Variants in FAM200B observed in about 807,000 individuals in gnomAD.
The protein encoded by FAM200B is protein FAM200B.
In FAM200B, 32 loss-of-function variants were observed where a neutral mutation model predicts 33.1. The ratio of observed to expected loss-of-function variants is 0.97; its 90% CI spans 0.73 to 1.30. FAM200B has a LOEUF of 1.30. Ranked by LOEUF, FAM200B falls within the 50% of genes most tolerant of loss-of-function variation. FAM200B has a pLI of 0.00. For synonymous variants in FAM200B, 240 were observed against 264.8 expected, an observed-to-expected ratio of 0.91 and a Z score of 0.91; for missense variants, 741 against 754.0, an observed-to-expected ratio of 0.98 and a Z score of 0.20.
At chr4:15,665,184 G>T in the FAM200B span, among the ~76,000 whole-genome samples, 5 of 152,166 alleles carry the variant, frequency 3.3e-5, no homozygotes, top group African/African-American at 1.2e-4. Flanking sequence ...ATGTAGGAAA[G>T]AATGCCTTTC....
chr4:15,684,745 C>T (rs1007751961), intron 1 of FAM200B: 1 of 152,204 alleles, frequency 6.6e-6, no homozygotes, highest in Non-Finnish European at 1.5e-5. Context: ...TGACCACCCA[C>T]TGTGCTGGGA....
the FAM200B span, among the ~76,000 whole-genome samples, chr4:15,647,222 CAAAAAAAAAAA>C: frequency 4.4e-4 from 16 of 36,530 alleles, no homozygotes; most frequent in Admixed American, 2.8e-3. Context: ...GACTCCATCT[CAAAAAAAAAAA>C]AAAAAAAAAA....
At chr4:15,640,802 T>G in the FAM200B span, 1 of 1,546,208 alleles carries the variant, frequency 6.5e-7, no homozygotes, top group Non-Finnish European at 8.7e-7. Flanking sequence ...TCTTCCTCTT[T>G]CATGTGAGGA....
upstream of FAM200B, among the ~76,000 whole-genome samples, chr4:15,676,881 C>G (rs1441222699): frequency 1.3e-5 from 2 of 151,964 alleles, no homozygotes; most frequent in African/African-American, 2.4e-5. Flanking sequence ...ATGAAATTCT[C>G]AAAGCTAAGA....
chr4:15,687,787 A>C lies in FAM200B; in HGVS notation c.810A>C (p.Leu270Phe). 6 of 1,550,702 alleles carry C rather than the reference A, an allele frequency of 3.9e-6. No individual in the cohort carries two copies. The highest frequency in any genetic ancestry group is 5.2e-6 in the Non-Finnish European group (6 of 1,146,510). Residue 270 changes from leucine to phenylalanine, a missense_variant, in exon 2 of 2, where the codon TTA (leucine) becomes TTC (phenylalanine). Transcript: ENST00000422728. The part of the protein sequence containing the change: ...FLNLTSHLSG[L>F]DIFTELERRI... ...ATTTAACCTCACACCTAAGTGGATT[A>C]GATATTTTTACAGAATTAGAAAGGC...
At chr4:15,655,575 C>T in the FAM200B span, among the ~76,000 whole-genome samples, 1 of 152,298 alleles carries the variant, frequency 6.6e-6, no homozygotes, top group Admixed American at 6.5e-5. Flanking sequence ...CAAACCTTTT[C>T]CCTGTTTCTT....
chr4:15,676,314 A>T, the FAM200B span, among the ~76,000 whole-genome samples: 1 of 152,212 alleles, frequency 6.6e-6, no homozygotes, highest in Non-Finnish European at 1.5e-5. Flanking sequence ...AAATTTTACC[A>T]TTAGTTTACA....
chr4:15,649,526 G>C, the FAM200B span, among the ~76,000 whole-genome samples: 1 of 140,518 alleles, frequency 7.1e-6, no homozygotes, highest in East Asian at 2.1e-4. Context: ...GTTGCAGTGA[G>C]CCAAGATCAC....
At chr4:15,657,707 T>C in the FAM200B span, among the ~76,000 whole-genome samples, 1 of 152,386 alleles carries the variant, frequency 6.6e-6, no homozygotes, top group South Asian at 2.1e-4. Context: ...CTCCATATGC[T>C]GAATTATGTA....
At chr4:15,643,533 T>G in the FAM200B span, among the ~76,000 whole-genome samples, 1 of 152,108 alleles carries the variant, frequency 6.6e-6, no homozygotes, top group Non-Finnish European at 1.5e-5. Context: ...CTCTCCTGCC[T>G]CAGCTGGGAT....
chr4:15,669,769 T>C, the FAM200B span, among the ~76,000 whole-genome samples: 3 of 152,178 alleles, frequency 2.0e-5, no homozygotes, highest in South Asian at 2.1e-4. Context: ...GCAATTACTA[T>C]TTGGCAAACA....
At chr4:15,677,996 G>T (rs763239020), upstream of FAM200B, among the ~76,000 whole-genome samples, 1 of 152,150 alleles carries the variant, frequency 6.6e-6, no homozygotes, top group Non-Finnish European at 1.5e-5. Context: ...TGCATTGTAG[G>T]ACATTCAGCT....
At chr4:15,654,554 C>T in the FAM200B span, among the ~76,000 whole-genome samples, 11 of 152,114 alleles carry the variant, frequency 7.2e-5, no homozygotes, top group Non-Finnish European at 1.0e-4. Context: ...GTGTTCAGGG[C>T]AATAAAAGTT....
chr4:15,675,951 C>T, the FAM200B span, among the ~76,000 whole-genome samples: 3 of 152,080 alleles, frequency 2.0e-5, no homozygotes, highest in African/African-American at 7.2e-5. Flanking sequence ...TCTTTCTGAT[C>T]CACAGATATC....
the FAM200B span, chr4:15,659,648 TG>T: frequency 3.8e-6 from 2 of 521,216 alleles, no homozygotes; most frequent in African/African-American, 2.0e-5. Flanking sequence ...ATGTGTATAG[TG>T]GTCCATAAAG....
the FAM200B span, among the ~76,000 whole-genome samples, chr4:15,665,016 G>A: frequency 6.6e-6 from 1 of 152,048 alleles, no homozygotes; most frequent in African/African-American, 2.4e-5. Flanking sequence ...TTAATGCAAA[G>A]GGCTTCTGAA....
chr4:15,638,781 G>T, the FAM200B span: 1 of 796,076 alleles, frequency 1.3e-6, no homozygotes, highest in Non-Finnish European at 1.9e-6. Flanking sequence ...TGGCTCGAAT[G>T]TCGTATTATG....
chr4:15,679,666 G>T (rs1577526329), upstream of FAM200B, among the ~76,000 whole-genome samples: 1 of 148,570 alleles, frequency 6.7e-6, no homozygotes, highest in African/African-American at 2.5e-5. Flanking sequence ...AGTTATTTTT[G>T]TTATATGTTT....
chr4:15,647,682 A>G, the FAM200B span, among the ~76,000 whole-genome samples: 5 of 152,200 alleles, frequency 3.3e-5, no homozygotes, highest in Non-Finnish European at 7.3e-5. Flanking sequence ...GAGACTCTAA[A>G]TTACAGGTAG....
Sources: gnomAD v4.1 joint callset for allele counts (sites outside exome capture counted in the v4.1 genomes callset) on GRCh38, gnomAD v4.1.1 for gene constraint, MANE v1.5 for transcripts, NCBI Gene and HGNC (gene_info 2026-07-23, HGNC 2026-07-21) for gene names.